Variants in PCDHA8 observed in about 807,000 individuals in gnomAD.
The protein encoded by PCDHA8 is protocadherin alpha 8.
PCDHA8 carries 53 observed loss-of-function variants against 61.8 expected under a neutral mutation model. The ratio of observed to expected loss-of-function variants is 0.86; its 90% confidence interval spans 0.69 to 1.08. PCDHA8 has a LOEUF of 1.08. Among genes scored for constraint, PCDHA8 ranks in the 50% least tolerant of loss-of-function variants. PCDHA8 has a pLI of 0.00. For missense variants in PCDHA8, 1,293 were observed against 1,245.0 expected, an observed-to-expected ratio of 1.04 and a Z score of -0.58; for synonymous variants, 618 against 556.6, an observed-to-expected ratio of 1.11 and a Z score of -1.55.
rs189687890 is a variant in PCDHA8 at position 140,972,728 on chromosome 5, A to G, written c.2395-6221A>G. ...TGCCAGGCTGGAGTGCAGTGGCGTA[A>G]TCCCGGCTCACTGCAACCTCCGCCT... On this transcript the variant is annotated intron_variant, in intron 1 of 3. Transcript: ENST00000531613. Among the ~76,000 whole-genome samples the G allele has an allele frequency of 6.0e-3, 882 of 147,958 alleles. 8 individuals carry two copies. Among genetic ancestry groups the G allele is most frequent in the African/African-American group, 0.021 (847 of 39,742 alleles).
chr5:140,966,938 G>T, intron 1 of PCDHA8: 1 of 1,604,146 alleles, frequency 6.2e-7, no homozygotes, highest in African/African-American at 1.3e-5. Flanking sequence ...CGGCGCGCTC[G>T]TGGGCAACGT....
At chr5:140,872,336 A>G (rs1554166138) in intron 1 of PCDHA8, among the ~76,000 whole-genome samples, 1 of 152,144 alleles carries the variant, frequency 6.6e-6, no homozygotes, top group African/African-American at 2.4e-5. Context: ...CTAAAATTCT[A>G]CATGTTCTTG....
At chr5:140,912,689 C>T (rs879967123) in intron 1 of PCDHA8, among the ~76,000 whole-genome samples, 1 of 152,112 alleles carries the variant, frequency 6.6e-6, no homozygotes, top group Admixed American at 6.5e-5. Context: ...TTCCAGGTCT[C>T]AGGGGGAATG....
intron 1 of PCDHA8, among the ~76,000 whole-genome samples, chr5:140,890,783 A>G (rs150043569): frequency 1.3e-5 from 2 of 152,302 alleles, no homozygotes; most frequent in African/African-American, 4.8e-5. Context: ...CCCATAAGAT[A>G]TTAGTATTAT....
intron 1 of PCDHA8, among the ~76,000 whole-genome samples, chr5:140,969,920 A>G (rs1554232150): frequency 6.6e-6 from 1 of 152,226 alleles, no homozygotes; most frequent in African/African-American, 2.4e-5. Flanking sequence ...ATAAAGCTGT[A>G]GTATTTAGAC....
intron 3 of PCDHA8, among the ~76,000 whole-genome samples, chr5:141,004,953 G>A (rs1409171628): frequency 7.2e-5 from 11 of 152,166 alleles, no homozygotes; most frequent in African/African-American, 2.4e-4. Context: ...ACCCTCTCTC[G>A]TCACTGCCTG....
At position 140,887,760 on chromosome 5, in the gene PCDHA8, A is replaced by AT. The variant is rs1233050056; in HGVS notation, c.2394+44046dup. On this transcript the variant is annotated intron_variant, in intron 1 of 3. Coordinates refer to ENST00000531613, the MANE Select transcript of PCDHA8 (RefSeq NM_018911.3). Reference sequence around the variant, plus strand: ...CCTTTCTGAGACTCCAGTAACACATATGTTACAATGACACAGGTCATTGAA... The same window carrying AT: ...CCTTTCTGAGACTCCAGTAACACATATTGTTACAATGACACAGGTCATTGAA... Among the ~76,000 whole-genome samples, 21 of 152,264 alleles carry AT rather than the reference A, an allele frequency of 1.4e-4. No individual in the cohort carries two copies. In the East Asian group the frequency reaches 4.1e-3, roughly 29 times the overall value.
intron 1 of PCDHA8, chr5:140,850,280 C>G: frequency 6.3e-7 from 1 of 1,595,478 alleles, no homozygotes; most frequent in Non-Finnish European, 8.6e-7. Flanking sequence ...GGAAGGTGCG[C>G]GCAGTGGACG....
At position 140,842,830 on chromosome 5, in the gene PCDHA8, G is replaced by T. The variant is rs1554139431; in HGVS notation, c.1509G>T (p.Ser503=). ...SLVERRVGER[S]LSSYISVHTE... ...TGGAGCGGCGGGTGGGCGAGCGCTC[G>T]CTGTCGAGCTACATTTCGGTGCACA... Residue 503 remains serine (S), a synonymous_variant, in exon 1 of 4, where the codon TCG becomes TCT. Coordinates refer to ENST00000531613, the MANE Select transcript of PCDHA8 (RefSeq NM_018911.3). 1.0e-5 allele frequency: 16 copies of T among 1,593,780 alleles called. 3 individuals are homozygous for T. The South Asian group carries it at 1.8e-4, about 18-fold the overall frequency.
intron 3 of PCDHA8, among the ~76,000 whole-genome samples, chr5:140,985,169 C>G (rs1169892350): frequency 6.6e-6 from 1 of 152,122 alleles, no homozygotes; most frequent in Non-Finnish European, 1.5e-5. Flanking sequence ...AATCTCCTGA[C>G]CTCGTAATCC....
intron 1 of PCDHA8, chr5:140,966,810 G>C (rs1290992432): frequency 3.2e-6 from 5 of 1,548,566 alleles, no homozygotes; most frequent in Non-Finnish European, 4.3e-6. Context: ...GAGCATCCAC[G>C]GCTCCGGCGG....
chr5:140,875,675 C>G, intron 1 of PCDHA8: 8 of 1,613,858 alleles, frequency 5.0e-6, no homozygotes, highest in Non-Finnish European at 6.8e-6. Context: ...CGGGTGGCGT[C>G]CAAAAGACAC....
At chr5:140,917,324 C>CGGGGGGGGG (rs1299895515) in intron 1 of PCDHA8, among the ~76,000 whole-genome samples, 1 of 76,048 alleles carries the variant, frequency 1.3e-5, no homozygotes, top group Non-Finnish European at 2.9e-5. Context: ...GTTCATGTGG[C>CGGGGGGGGG]GGGGGAGGGG....
At chr5:140,923,112 T>C (rs1159250649) in intron 1 of PCDHA8, among the ~76,000 whole-genome samples, 2 of 152,144 alleles carry the variant, frequency 1.3e-5, no homozygotes, top group Non-Finnish European at 2.9e-5. Flanking sequence ...TGATTTTAAG[T>C]TTTTAGGGTC....
intron 1 of PCDHA8, chr5:140,927,653 G>T: frequency 6.2e-7 from 1 of 1,614,190 alleles, no homozygotes; most frequent in Non-Finnish European, 8.5e-7. Context: ...GTGTTATTCC[G>T]AGTTCAAGCC....
intron 1 of PCDHA8, among the ~76,000 whole-genome samples, chr5:140,846,022 C>T (rs1294786212): frequency 1.3e-5 from 2 of 149,390 alleles, no homozygotes; most frequent in South Asian, 4.2e-4. Context: ...AAAGTTATTA[C>T]GAGTTTAGGA....
intron 1 of PCDHA8, chr5:140,884,831 ATCCT>A: frequency 1.1e-6 from 1 of 939,722 alleles, no homozygotes; most frequent in Non-Finnish European, 1.5e-6. Flanking sequence ...GTGTTGGATT[ATCCT>A]TCAGAGTGAA....
intron 1 of PCDHA8, chr5:140,860,476 G>A (rs1456923557): frequency 3.9e-5 from 6 of 152,106 alleles, no homozygotes; most frequent in Non-Finnish European, 8.8e-5. Context: ...TGGTGCAGTA[G>A]TACTTTATTT....
At chr5:140,891,432 C>T (rs183679) in intron 1 of PCDHA8, among the ~76,000 whole-genome samples, 69,006 of 149,136 alleles carry the variant, frequency 0.46, 16,159 homozygotes, top group South Asian at 0.58. Context: ...AAGTCCCCAA[C>T]GTCCATTGTA....
Sources: allele counts gnomAD v4.1 joint callset (sites outside exome capture counted in the v4.1 genomes callset), GRCh38; gene constraint gnomAD v4.1.1; transcripts MANE v1.5; gene names NCBI Gene and HGNC (gene_info 2026-07-23, HGNC 2026-07-21).